The following COL23A1 variants were observed in gnomAD, a reference collection of about 807,000 sequenced individuals.
COL23A1 encodes the protein collagen alpha-1(XXIII) chain.
Under a neutral mutation model 99.3 loss-of-function variants are expected in COL23A1, and 97 were observed. That is an observed-to-expected ratio of 0.98 (90% CI 0.83 to 1.16). The LOEUF (loss-of-function observed/expected upper bound fraction) is 1.16, where lower values mean the gene tolerates loss of function less well. Ranked by LOEUF, COL23A1 falls within the 50% of genes most tolerant of loss-of-function variation. The pLI is 0.00. For missense variants in COL23A1, 762 were observed against 757.4 expected (o/e 1.01, Z -0.07); for synonymous variants, 320 against 308.2 (o/e 1.04, Z -0.40).
At chr5:178,432,234 G>A (rs1029490048) in intron 2 of COL23A1, among the ~76,000 whole-genome samples, 14 of 152,240 alleles carry the variant, frequency 9.2e-5, no homozygotes, top group Admixed American at 6.5e-4. Context: ...TCATGTGGAC[G>A]AGGTCCAACT....
At chr5:178,490,637 TGTG>T (rs1460852775) in intron 2 of COL23A1, among the ~76,000 whole-genome samples, 1 of 151,858 alleles carries the variant, frequency 6.6e-6, no homozygotes, top group Non-Finnish European at 1.5e-5. Flanking sequence ...ATTAGCCAGA[TGTG>T]GTGGTGTGCA....
chr5:178,275,805 A>G (rs577650664), intron 5 of COL23A1, among the ~76,000 whole-genome samples: 2 of 152,310 alleles, frequency 1.3e-5, no homozygotes, highest in Admixed American at 1.3e-4. Context: ...TGCGGTCTCC[A>G]CATCCTGCTG....
At chr5:178,371,577 G>A (rs545510237) in intron 2 of COL23A1, among the ~76,000 whole-genome samples, 1 of 152,302 alleles carries the variant, frequency 6.6e-6, no homozygotes, top group African/African-American at 2.4e-5. Context: ...CTCCCTCAGG[G>A]GCACTGTCAC....
intron 3 of COL23A1, among the ~76,000 whole-genome samples, chr5:178,301,708 G>A (rs924481182): frequency 2.0e-4 from 31 of 152,252 alleles, no homozygotes; most frequent in African/African-American, 7.0e-4. Context: ...GGTCAGGTTA[G>A]ACAGAGATTT....
At chr5:178,516,270 T>C (rs1759506601) in intron 2 of COL23A1, among the ~76,000 whole-genome samples, 1 of 152,236 alleles carries the variant, frequency 6.6e-6, no homozygotes, top group Admixed American at 6.5e-5. Context: ...GCCCAGCTCC[T>C]GCGTCTCTGG....
At chr5:178,469,375 C>A (rs1287166106) in intron 2 of COL23A1, among the ~76,000 whole-genome samples, 1 of 152,168 alleles carries the variant, frequency 6.6e-6, no homozygotes, top group Non-Finnish European at 1.5e-5. Context: ...CCTCCCTGGT[C>A]CCAGCCTGGC....
intron 2 of COL23A1, among the ~76,000 whole-genome samples, chr5:178,449,540 C>A (rs1767366228): frequency 6.7e-6 from 1 of 149,824 alleles, no homozygotes. Context: ...AAAAAGCATT[C>A]CCCCCACCCC....
intron 2 of COL23A1, among the ~76,000 whole-genome samples, chr5:178,536,804 G>C (rs548391380): frequency 4.6e-5 from 7 of 152,248 alleles, no homozygotes; most frequent in African/African-American, 1.4e-4. Flanking sequence ...ATGTGCTGAG[G>C]GGGTGGAGGA....
intron 1 of COL23A1, among the ~76,000 whole-genome samples, chr5:178,585,744 G>GGGGTAATGCCCTAC (rs1454677345): frequency 6.6e-6 from 1 of 151,974 alleles, no homozygotes; most frequent in East Asian, 1.9e-4. Flanking sequence ...AGCCCTGGCT[G>GGGGTAATGCCCTAC]ACCCTGTTGG....
intron 1 of COL23A1, among the ~76,000 whole-genome samples, chr5:178,571,493 T>G (rs534764984): frequency 2.6e-5 from 4 of 152,136 alleles, no homozygotes; most frequent in Non-Finnish European, 2.9e-5. Context: ...ACCTAATGGA[T>G]CCCAACAAGA....
intron 18 of COL23A1, 77 bp downstream of exon 18, chr5:178,249,984 C>T (rs1366786300): frequency 1.3e-5 from 19 of 1,461,248 alleles, no homozygotes; most frequent in South Asian, 3.4e-5. Flanking sequence ...CACATGCACA[C>T]GCACACACAC....
At chr5:178,296,421 G>A (rs1484177567) in intron 3 of COL23A1, among the ~76,000 whole-genome samples, 1 of 152,158 alleles carries the variant, frequency 6.6e-6, no homozygotes, top group African/African-American at 2.4e-5. Context: ...AGGCTACCAT[G>A]CCCAGGGTCA....
intron 2 of COL23A1, among the ~76,000 whole-genome samples, chr5:178,397,394 A>G (rs373804769): frequency 6.6e-6 from 1 of 152,222 alleles, no homozygotes; most frequent in African/African-American, 2.4e-5. Context: ...CGGATCAGAC[A>G]TATGTTTCGG....
rs1007971270 is a variant in COL23A1 at position 178,544,284 on chromosome 5, G to A, written c.361+16398C>T. Among the ~76,000 whole-genome samples, 6 of 151,914 alleles carry A rather than the reference G, an allele frequency of 3.9e-5. No individual in the cohort carries two copies. Among genetic ancestry groups the A allele is most frequent in the African/African-American group, 9.7e-5 (4 of 41,356 alleles). The stretch of plus-strand genomic sequence containing the variant: ...TAGTGCCCAGGGAACAGAGCTCGCC[G>A]CTTACAGAGCCCCCAGCCCAGCCCC... On this transcript the variant is annotated intron_variant, in intron 2 of 28. Transcript: ENST00000390654. The surrounding 1 kb of genome is among the most constrained non-coding windows in gnomAD (Gnocchi z 4.4).
chr5:178,563,220 G>C (rs1267786055), intron 1 of COL23A1, among the ~76,000 whole-genome samples: 1 of 152,172 alleles, frequency 6.6e-6, no homozygotes, highest in African/African-American at 2.4e-5. Flanking sequence ...GCTTCCTGCA[G>C]GGACTGGACC....
At chr5:178,508,093 A>G (rs902005872) in intron 2 of COL23A1, among the ~76,000 whole-genome samples, 2 of 151,542 alleles carry the variant, frequency 1.3e-5, no homozygotes, top group Non-Finnish European at 2.9e-5. Flanking sequence ...GTTATATCCT[A>G]TCTTCCAGTT....
At chr5:178,452,069 A>G (rs1767520044) in intron 2 of COL23A1, among the ~76,000 whole-genome samples, 1 of 152,232 alleles carries the variant, frequency 6.6e-6, no homozygotes, top group Admixed American at 6.5e-5. Flanking sequence ...AAAAAGAAAA[A>G]TAAGTAACAA....
chr5:178,249,716 A>ACACACACACACACACTCTCT, intron 18 of COL23A1, among the ~76,000 whole-genome samples: 24 of 92,804 alleles, frequency 2.6e-4, no homozygotes, highest in African/African-American at 1.0e-3. Flanking sequence ...ACACACACAC[A>ACACACACACACACACTCTCT]CTCTCTCTCT....
chr5:178,362,882 C>T (rs900326311), intron 2 of COL23A1, among the ~76,000 whole-genome samples: 17 of 149,640 alleles, frequency 1.1e-4, no homozygotes, highest in African/African-American at 3.9e-4. Flanking sequence ...ATCTATGACA[C>T]ATCCACCCCC....
Sources: allele counts gnomAD v4.1 joint callset (sites outside exome capture counted in the v4.1 genomes callset), GRCh38; gene constraint gnomAD v4.1.1; non-coding constraint Gnocchi (gnomAD v3.1); transcripts MANE v1.5; gene names NCBI Gene and HGNC (gene_info 2026-07-23, HGNC 2026-07-21).